ARHGAP21: variants seen among roughly 807,000 people sequenced by gnomAD.
The protein encoded by ARHGAP21 is rho GTPase-activating protein 21.
A neutral mutation model predicts 164.6 loss-of-function variants in ARHGAP21; 38 were observed. That is an observed-to-expected ratio of 0.23 (90% CI 0.18 to 0.30). The LOEUF is 0.30. ARHGAP21 is among the 10% of genes least tolerant of loss of function. The pLI, the probability that ARHGAP21 is intolerant of heterozygous loss-of-function variation, is 1.00. For missense variants in ARHGAP21, 1,822 were observed against 2,370.7 expected, an observed-to-expected ratio of 0.77 and a Z score of 4.81; for synonymous variants, 766 against 857.9, an observed-to-expected ratio of 0.89 and a Z score of 1.87.
intron 9 of ARHGAP21, among the ~76,000 whole-genome samples, chr10:24,613,958 G>C (rs2077369658): frequency 6.6e-6 from 1 of 152,168 alleles, no homozygotes; most frequent in South Asian, 2.1e-4. Context: ...CTGGGGGTGA[G>C]GGTGTGTGTC....
intron 4 of ARHGAP21, among the ~76,000 whole-genome samples, chr10:24,641,162 C>A (rs1232555228): frequency 6.6e-6 from 1 of 152,138 alleles, no homozygotes. Context: ...TTACTGGTAT[C>A]TTAAGAGTCT....
chr10:24,675,390 C>T (rs1446818876), intron 2 of ARHGAP21, among the ~76,000 whole-genome samples: 1 of 152,080 alleles, frequency 6.6e-6, no homozygotes, highest in African/African-American at 2.4e-5. Context: ...CTGGTCTATA[C>T]TGACTGAAAG....
rs200505773 is a variant in ARHGAP21, at chr10:24,687,743, AT to A, written c.64-17347del. Among the ~76,000 whole-genome samples the A allele has an allele frequency of 2.4e-4, 36 of 152,314 alleles. No homozygotes were observed. In the East Asian group the frequency reaches 6.8e-3, roughly 29 times the overall value. ...TCACCAAATTAAAAGTCGAGCTTAA[AT>A]TTCAGTTCATCTTAGCTACCAATGA... On this transcript the variant is annotated intron_variant, in intron 2 of 25. Coordinates refer to ENST00000396432, the MANE Select transcript of ARHGAP21 (RefSeq NM_020824.4).
Position 24,607,985 on chromosome 10 carries a change from G to A in ARHGAP21, c.2423-82C>T. On this transcript the variant is annotated intron_variant, in intron 9 of 25. Transcript: ENST00000396432. The stretch of plus-strand genomic sequence containing the variant: ...AACTCAGTCAATAATCATTATTAAG[G>A]GGGTCAGATAAGGATTTTAACACTT... 6 of 1,340,332 alleles carry A rather than the reference G, an allele frequency of 4.5e-6. No homozygotes were observed. In the South Asian group the frequency reaches 9.8e-5, roughly 22 times the overall value. The allele number at this position is 1,340,332 out of a possible 1,614,324, so 83.0% of individuals were successfully genotyped here.
At chr10:24,698,945 G>A (rs546699646) in intron 2 of ARHGAP21, among the ~76,000 whole-genome samples, 3 of 152,216 alleles carry the variant, frequency 2.0e-5, no homozygotes, top group African/African-American at 4.8e-5. Flanking sequence ...ATATATATCA[G>A]CAATGCTAAA....
intron 2 of ARHGAP21, among the ~76,000 whole-genome samples, chr10:24,706,171 G>A (rs566711371): frequency 6.6e-6 from 1 of 152,274 alleles, no homozygotes; most frequent in South Asian, 2.1e-4. Flanking sequence ...TACAATGTCA[G>A]ATGCCTTCAA....
chr10:24,629,586 G>A (rs954670083), intron 7 of ARHGAP21: 4 of 161,232 alleles, frequency 2.5e-5, no homozygotes, highest in South Asian at 3.4e-4. Flanking sequence ...GTTTGTCCTC[G>A]TATTACAAAA....
Position 24,620,679 on chromosome 10 carries a change from G to A in ARHGAP21, c.1216C>T (p.Arg406Trp), listed in dbSNP as rs535575430. The A allele has an allele frequency of 5.6e-6, 9 of 1,614,084 alleles. No homozygotes were observed. Among genetic ancestry groups the A allele is most frequent in the East Asian group, 4.5e-5 (2 of 44,878 alleles). Residue 406 changes from arginine to tryptophan, a missense_variant, in exon 9 of 26, where the codon CGG becomes TGG. Arg to Trp is a moderately radical substitution (Grantham distance 101). Coordinates refer to ENST00000396432, the MANE Select transcript of ARHGAP21 (RefSeq NM_020824.4). ...IDNRRLHIGC[R>W]TIQERLDSLR... The stretch of plus-strand genomic sequence containing the variant: ...CTATCTAATCTTTCTTGTATTGTCC[G>A]ACAACCTATGTGCAATCGTCTGTTA...
chr10:24,599,539 C>A (rs962368105), intron 14 of ARHGAP21, among the ~76,000 whole-genome samples: 2 of 152,140 alleles, frequency 1.3e-5, no homozygotes, highest in Non-Finnish European at 2.9e-5. Flanking sequence ...TAAATTAGAA[C>A]ATAATTTGCA....
At chr10:24,717,085 C>A (rs1845463917) in intron 2 of ARHGAP21, among the ~76,000 whole-genome samples, 1 of 152,232 alleles carries the variant, frequency 6.6e-6, no homozygotes, top group African/African-American at 2.4e-5. Flanking sequence ...TGTCAATTAT[C>A]TGCATATACT....
chr10:24,660,486 A>G (rs1593205490), intron 4 of ARHGAP21, among the ~76,000 whole-genome samples: 1 of 150,416 alleles, frequency 6.6e-6, no homozygotes, highest in East Asian at 2.0e-4. Context: ...CTACATTTTG[A>G]AAGCAATTCT....
chr10:24,590,727 A>G (rs1355236782), intron 24 of ARHGAP21: 1 of 985,280 alleles, frequency 1.0e-6, no homozygotes, highest in Non-Finnish European at 1.2e-6. Flanking sequence ...ACTGTGACAA[A>G]TAATACACTG....
chr10:24,680,679 C>T (rs1275037800), intron 2 of ARHGAP21, among the ~76,000 whole-genome samples: 1 of 152,046 alleles, frequency 6.6e-6, no homozygotes, highest in African/African-American at 2.4e-5. Flanking sequence ...TTCACAGAAG[C>T]GGAAGATAAA....
intron 9 of ARHGAP21, among the ~76,000 whole-genome samples, chr10:24,609,382 T>A (rs2077160413): frequency 6.6e-6 from 1 of 152,220 alleles, no homozygotes; most frequent in Non-Finnish European, 1.5e-5. Flanking sequence ...ATTAAAATAA[T>A]CAGTTTTAGA....
chr10:24,652,558 T>C (rs548986711), intron 4 of ARHGAP21, among the ~76,000 whole-genome samples: 1 of 152,302 alleles, frequency 6.6e-6, no homozygotes, highest in Non-Finnish European at 1.5e-5. Context: ...ACAGGTTGAA[T>C]TACCTGCTAA....
At position 24,628,798 on chromosome 10, in the gene ARHGAP21, C is replaced by CAT. The variant is rs545938881; in HGVS notation, c.495+1196_495+1197dup. Among the ~76,000 whole-genome samples the CAT allele has an allele frequency of 2.8e-3, 295 of 105,648 alleles. 5 individuals carry two copies. The East Asian group carries it at 0.044, about 16-fold the overall frequency. 69.3% of individuals were successfully genotyped at this position (105,648 alleles called of 152,430 possible). A position where few individuals can be genotyped will look rare whatever the true frequency, so the allele number is the denominator to read the frequency against. ...ATATATATATACACACATATATACA[C>CAT]ATATATACATATATATACATATACA... On this transcript the variant is annotated intron_variant, in intron 7 of 25. Coordinates refer to ENST00000396432, the MANE Select transcript of ARHGAP21 (RefSeq NM_020824.4).
intron 6 of ARHGAP21, among the ~76,000 whole-genome samples, chr10:24,632,185 T>G (rs573318347): frequency 1.3e-5 from 2 of 152,362 alleles, no homozygotes; most frequent in Admixed American, 1.3e-4. Context: ...GTGGTTGAAG[T>G]GTTATTATTC....
At chr10:24,636,829 G>A (rs927660547) in intron 4 of ARHGAP21, among the ~76,000 whole-genome samples, 3 of 152,170 alleles carry the variant, frequency 2.0e-5, no homozygotes, top group African/African-American at 7.2e-5. Flanking sequence ...GAAATTTTCT[G>A]TGTGCTACAC....
At chr10:24,697,227 C>A (rs1295022946) in intron 2 of ARHGAP21, among the ~76,000 whole-genome samples, 3 of 152,038 alleles carry the variant, frequency 2.0e-5, no homozygotes, top group Non-Finnish European at 4.4e-5. Flanking sequence ...AAAAGGACAG[C>A]TGGAGGTATT....
Sources: gnomAD v4.1 joint callset for allele counts (sites outside exome capture counted in the v4.1 genomes callset) on GRCh38, gnomAD v4.1.1 for gene constraint, MANE v1.5 for transcripts, NCBI Gene and HGNC (gene_info 2026-07-23, HGNC 2026-07-21) for gene names.